PRKD1: variants seen among roughly 807,000 people sequenced by gnomAD.
PRKD1 encodes protein kinase D1.
In PRKD1, 63 loss-of-function variants were observed where a neutral mutation model predicts 95.9. The observed-to-expected ratio is 0.66, with a 90% confidence interval of 0.54 to 0.81. PRKD1 has a LOEUF of 0.81. Ranked by LOEUF, PRKD1 falls within the 30% of genes least tolerant of loss-of-function variation. PRKD1 has a pLI of 0.00. For synonymous variants in PRKD1, 425 were observed against 423.1 expected (o/e 1.00, Z -0.05); for missense variants, 1,048 against 1,165.3 (o/e 0.90, Z 1.47).
At chr14:29,619,356 T>C (rs1182455301) in intron 13 of PRKD1, among the ~76,000 whole-genome samples, 1 of 152,210 alleles carries the variant, frequency 6.6e-6, no homozygotes, top group Non-Finnish European at 1.5e-5. Flanking sequence ...AGCCTTTTGC[T>C]ACCTGGTTGG....
chr14:29,899,138 GAAT>G (rs1432060188), intron 1 of PRKD1, among the ~76,000 whole-genome samples: 6 of 152,012 alleles, frequency 3.9e-5, no homozygotes, highest in Admixed American at 2.6e-4. Context: ...CACACCAATA[GAAT>G]AATAGAGTTT....
intron 1 of PRKD1, among the ~76,000 whole-genome samples, chr14:29,896,776 A>G (rs1894144343): frequency 6.6e-6 from 1 of 151,734 alleles, no homozygotes; most frequent in Non-Finnish European, 1.5e-5. Context: ...TTCTGTCACC[A>G]TAACCGACAT....
At chr14:29,786,200 T>G (rs1248804365) in intron 1 of PRKD1, among the ~76,000 whole-genome samples, 1 of 152,218 alleles carries the variant, frequency 6.6e-6, no homozygotes, top group Non-Finnish European at 1.5e-5. Context: ...TCCCACTTTG[T>G]CATGGAAGAT....
At position 29,787,767 on chromosome 14, in the gene PRKD1, T is replaced by C. The variant is rs143938472; in HGVS notation, c.265-62093A>G. Among the ~76,000 whole-genome samples, 440 of 152,244 alleles carry C rather than the reference T, an allele frequency of 2.9e-3. 3 individuals carry two copies. The highest frequency in any genetic ancestry group is 0.024 in the South Asian group (116 of 4,824). On this transcript the variant is annotated intron_variant, in intron 1 of 17. Coordinates refer to ENST00000331968, the MANE Select transcript of PRKD1 (RefSeq NM_002742.3). The stretch of plus-strand genomic sequence containing the variant: ...AAAGCTTCTTGCAGGCAGCTTATAG[T>C]TAGGTCTTTTTAAAAATTCATTCAG...
chr14:29,674,243 T>C (rs1883028756), intron 2 of PRKD1, among the ~76,000 whole-genome samples: 1 of 152,162 alleles, frequency 6.6e-6, no homozygotes, highest in South Asian at 2.1e-4. Flanking sequence ...CTAAGGGCTA[T>C]AAAAACTAGT....
intron 1 of PRKD1, among the ~76,000 whole-genome samples, chr14:29,872,123 A>G (rs1893128694): frequency 6.6e-6 from 1 of 152,190 alleles, no homozygotes; most frequent in Non-Finnish European, 1.5e-5. Flanking sequence ...CACCTCTGCT[A>G]AACTGTTAGA....
intron 2 of PRKD1, among the ~76,000 whole-genome samples, chr14:29,681,165 C>T (rs1419463192): frequency 6.6e-6 from 1 of 152,178 alleles, no homozygotes; most frequent in African/African-American, 2.4e-5. Context: ...CAGTAAGTTT[C>T]TCATCACTTG....
At chr14:29,584,871 G>A (rs1355201319) in intron 16 of PRKD1, among the ~76,000 whole-genome samples, 1 of 152,060 alleles carries the variant, frequency 6.6e-6, no homozygotes, top group East Asian at 1.9e-4. Context: ...TTTTTCAGGC[G>A]GGAAATCACC....
At chr14:29,917,163 G>A (rs907870173) in intron 1 of PRKD1, among the ~76,000 whole-genome samples, 1 of 152,124 alleles carries the variant, frequency 6.6e-6, no homozygotes, top group African/African-American at 2.4e-5. Flanking sequence ...CTTAATTCTA[G>A]CACCTGAACT....
At chr14:29,892,503 T>C (rs561878939) in intron 1 of PRKD1, among the ~76,000 whole-genome samples, 2 of 152,024 alleles carry the variant, frequency 1.3e-5, no homozygotes, top group Admixed American at 1.3e-4. Flanking sequence ...AGTTTCCATG[T>C]TGACAGATCT....
rs576195537 is a variant in PRKD1, at chr14:29,675,895, C to T, written c.404-9687G>A. Among the ~76,000 whole-genome samples, 12 of 149,552 alleles carry T rather than the reference C, an allele frequency of 8.0e-5. No homozygotes were observed. In the South Asian group the frequency reaches 8.5e-4, roughly 11 times the overall value. On this transcript the variant is annotated intron_variant, in intron 2 of 17. Coordinates refer to ENST00000331968, the MANE Select transcript of PRKD1 (RefSeq NM_002742.3). ...ATCGCAAGGACAAAAACACAAACAC[C>T]GCATGTTCTCACTCATAGGTGGGAA... is the stretch of plus-strand genomic sequence containing the variant.
In PRKD1 at chr14:29,919,318, G is replaced by A. The variant is rs149282773; in HGVS notation, c.264+7931C>T. Among the ~76,000 whole-genome samples the A allele has an allele frequency of 3.3e-3, 506 of 152,264 alleles. 1 individual carries two copies. Among genetic ancestry groups the A allele is most frequent in the Non-Finnish European group, 4.7e-3 (318 of 68,010 alleles). On this transcript the variant is annotated intron_variant, in intron 1 of 17. Coordinates refer to ENST00000331968, the MANE Select transcript of PRKD1 (RefSeq NM_002742.3). ...CAGGAAACTGTAGATTTAGACAGCC[G>A]AAATTTGTCTGAATATGCATTGTTT...
intron 1 of PRKD1, among the ~76,000 whole-genome samples, chr14:29,814,254 T>C (rs1363935285): frequency 6.6e-6 from 1 of 152,176 alleles, no homozygotes; most frequent in Non-Finnish European, 1.5e-5. Flanking sequence ...TAATTAATCA[T>C]TGCCAACCCC....
chr14:29,842,688 T>A (rs1184580219), intron 1 of PRKD1, among the ~76,000 whole-genome samples: 1 of 152,220 alleles, frequency 6.6e-6, no homozygotes, highest in African/African-American at 2.4e-5. Context: ...CCTTAAACAT[T>A]TAATTAACTA....
chr14:29,721,613 T>C (rs1885900443), intron 2 of PRKD1, among the ~76,000 whole-genome samples: 1 of 152,134 alleles, frequency 6.6e-6, no homozygotes, highest in Admixed American at 6.5e-5. Flanking sequence ...GAAGAAGGCT[T>C]CAAATACATT....
chr14:29,636,141 G>C, intron 7 of PRKD1, 149 bp downstream of exon 7: 1 of 924,046 alleles, frequency 1.1e-6, no homozygotes, highest in Admixed American at 2.4e-5. Flanking sequence ...AACTTCAAAG[G>C]CTCTCATTTA....
Position 29,597,715 on chromosome 14 carries a change from T to A in PRKD1, c.2210A>T (p.Lys737Met). ...ACCCACCACTGACCTCCGGAAAGAC[T>A]TCTCTCCAATGATCCGGGCAAAACC... ...DFGFARIIGE[K>M]SFRRSVVGTP... Residue 737 changes from lysine to methionine, a missense_variant, in exon 16 of 18, where the codon AAG becomes ATG. Transcript: ENST00000331968. 6.2e-7 allele frequency: 1 copy of A among 1,613,536 alleles called. No individual in the cohort carries two copies. The highest frequency in any genetic ancestry group is 8.5e-7 in the Non-Finnish European group (1 of 1,179,828).
At chr14:29,885,804 TAAAAA>T (rs759317394) in intron 1 of PRKD1, among the ~76,000 whole-genome samples, 1,833 of 53,454 alleles carry the variant, frequency 0.034, 72 homozygotes, top group African/African-American at 0.11. Flanking sequence ...CCATCTTTAC[TAAAAA>T]AAAAAAAAAA....
At chr14:29,921,971 T>C (rs193224034) in intron 1 of PRKD1, among the ~76,000 whole-genome samples, 1 of 152,230 alleles carries the variant, frequency 6.6e-6, no homozygotes, top group Non-Finnish European at 1.5e-5. Context: ...CAGGATATTC[T>C]TGTGAAAACT....
Sources: gnomAD v4.1 joint callset for allele counts (sites outside exome capture counted in the v4.1 genomes callset) on GRCh38, gnomAD v4.1.1 for gene constraint, MANE v1.5 for transcripts, NCBI Gene and HGNC (gene_info 2026-07-23, HGNC 2026-07-21) for gene names.